SOX5: variants seen among roughly 807,000 people sequenced by gnomAD.
The protein encoded by SOX5 is SRY-box transcription factor 5.
A neutral mutation model predicts 92.0 loss-of-function variants in SOX5; 9 were observed. The observed-to-expected ratio is 0.10, with a 90% CI of 0.06 to 0.17. The LOEUF (loss-of-function observed/expected upper bound fraction) is 0.17. SOX5 is among the 10% of genes least tolerant of loss of function. The pLI, the probability that SOX5 is intolerant of heterozygous loss-of-function variation, is 1.00. For synonymous variants in SOX5, 344 were observed against 336.3 expected (o/e 1.02, Z -0.25); for missense variants, 642 against 944.5 (o/e 0.68, Z 4.20).
intron 3 of SOX5, among the ~76,000 whole-genome samples, chr12:23,817,471 G>A (rs1050121543): frequency 6.6e-6 from 1 of 152,156 alleles, no homozygotes; most frequent in African/African-American, 2.4e-5. Flanking sequence ...TGGAAGTTGT[G>A]AATAAGCAGA....
intron 8 of SOX5, among the ~76,000 whole-genome samples, chr12:23,625,302 C>T (rs1385529531): frequency 6.6e-6 from 1 of 152,162 alleles, no homozygotes; most frequent in Non-Finnish European, 1.5e-5. Context: ...GAAAACATCT[C>T]ATTCTAATGG....
At chr12:24,353,422 C>T (rs767422929) in intron 2 of SOX5, among the ~76,000 whole-genome samples, 1 of 152,184 alleles carries the variant, frequency 6.6e-6, no homozygotes, top group Non-Finnish European at 1.5e-5. Flanking sequence ...CCTAGAGCAA[C>T]AGCTCTCACA....
chr12:24,192,308 G>C (rs1956602233), intron 4 of SOX5, among the ~76,000 whole-genome samples: 1 of 152,130 alleles, frequency 6.6e-6, no homozygotes, highest in Non-Finnish European at 1.5e-5. Context: ...AAATTATTTT[G>C]AATTTCATTT....
chr12:23,747,673 G>A (rs995008355), intron 4 of SOX5, among the ~76,000 whole-genome samples: 1 of 152,034 alleles, frequency 6.6e-6, no homozygotes, highest in Non-Finnish European at 1.5e-5. Context: ...TGACATTTAG[G>A]CCAGACAATT....
rs148305521 is a variant in SOX5, at chr12:23,537,455, A to G, written c.1772-786T>C. On this transcript the variant is annotated intron_variant, in intron 13 of 14. Coordinates refer to ENST00000451604, the MANE Select transcript of SOX5 (RefSeq NM_006940.6). ...TATAACTTAAATTGTGCTATAATGT[A>G]TGCCCTTTCCTACATATGGCCACCT... Among the ~76,000 whole-genome samples the G allele has an allele frequency of 1.1e-4, 17 of 152,318 alleles. No homozygotes were observed. The East Asian group carries it at 3.1e-3, about 28-fold the overall frequency.
intron 1 of SOX5, among the ~76,000 whole-genome samples, chr12:24,523,117 C>A (rs1950397716): frequency 6.6e-6 from 1 of 151,792 alleles, no homozygotes; most frequent in African/African-American, 2.4e-5. Context: ...TATACACCAA[C>A]AATAAACTGA....
chr12:23,722,413 G>A (rs1593666448), intron 6 of SOX5, among the ~76,000 whole-genome samples: 1 of 152,162 alleles, frequency 6.6e-6, no homozygotes, highest in Non-Finnish European at 1.5e-5. Context: ...CTATGTTAGT[G>A]GATGACATTC....
At chr12:23,879,415 A>G (rs1328050663) in intron 2 of SOX5, among the ~76,000 whole-genome samples, 1 of 152,214 alleles carries the variant, frequency 6.6e-6, no homozygotes, top group African/African-American at 2.4e-5. Context: ...TTAGTTCCCA[A>G]ATAATACATA....
In SOX5 at chr12:24,450,189, G is replaced by A. The variant is rs540705789; in HGVS notation, c.-250-81550C>T. The stretch of plus-strand genomic sequence containing the variant: ...AATTCACCTTAGCTTGGGAAACACT[G>A]CAAAATATACCTACTTTTAGGGATT... On this transcript the variant is annotated intron_variant, in intron 1 of 4. Coordinates refer to the SOX5 transcript ENST00000446891. 5.9e-5 allele frequency among the ~76,000 whole-genome samples: 9 copies of A among 152,234 alleles called. No individual in the cohort carries two copies. The South Asian group carries it at 1.7e-3, about 28-fold the overall frequency.
intron 4 of SOX5, among the ~76,000 whole-genome samples, chr12:24,040,326 T>C (rs1263207522): frequency 6.6e-6 from 1 of 152,190 alleles, no homozygotes; most frequent in Non-Finnish European, 1.5e-5. Context: ...AACTATTAAA[T>C]GGTTTGTGAT....
intron 1 of SOX5, among the ~76,000 whole-genome samples, chr12:23,897,957 A>G (rs1223671433): frequency 6.6e-6 from 1 of 152,178 alleles, no homozygotes; most frequent in East Asian, 1.9e-4. Flanking sequence ...TACTCTAAGT[A>G]TGGAGAAGCA....
chr12:24,371,436 T>A (rs999416415), intron 1 of SOX5, among the ~76,000 whole-genome samples: 1 of 152,230 alleles, frequency 6.6e-6, no homozygotes, highest in South Asian at 2.1e-4. Context: ...CTGTGTTGGA[T>A]TTCTGACCTT....
chr12:23,642,254 T>C (rs2080176587), intron 7 of SOX5, among the ~76,000 whole-genome samples: 1 of 152,190 alleles, frequency 6.6e-6, no homozygotes, highest in Non-Finnish European at 1.5e-5. Context: ...GGCTTCAAAA[T>C]ACCTGGATCT....
chr12:24,266,382 C>A (rs1279405942), intron 3 of SOX5, among the ~76,000 whole-genome samples: 1 of 152,060 alleles, frequency 6.6e-6, no homozygotes, highest in African/African-American at 2.4e-5. Context: ...TAAGCATCAA[C>A]ATTAACAGAC....
At chr12:24,348,044 C>T (rs1318860654) in intron 2 of SOX5, among the ~76,000 whole-genome samples, 1 of 64,834 alleles carries the variant, frequency 1.5e-5, no homozygotes, top group East Asian at 4.6e-4. Context: ...GATAATACAG[C>T]TAATCAAAAA....
chr12:24,266,152 G>A (rs899046082), intron 3 of SOX5, among the ~76,000 whole-genome samples: 9 of 151,606 alleles, frequency 5.9e-5, no homozygotes, highest in African/African-American at 2.2e-4. Context: ...GGACTCAAGT[G>A]ATCCAGCTGC....
chr12:24,142,950 T>G (rs149358517), intron 4 of SOX5, among the ~76,000 whole-genome samples: 1 of 151,624 alleles, frequency 6.6e-6, no homozygotes, highest in Non-Finnish European at 1.5e-5. Flanking sequence ...GCAAGGAAAC[T>G]GCCCAAGGCA....
chr12:24,031,876 G>T lies in SOX5; in HGVS notation c.-1-135852C>A, dbSNP rs528775669. 4.6e-5 allele frequency among the ~76,000 whole-genome samples: 7 copies of T among 151,834 alleles called. No homozygotes were observed. In the East Asian group the frequency reaches 1.2e-3, roughly 25 times the overall value. ...GTTCTATGGTCCCAAATGCAATTTT[G>T]TAATTTTATCCATAAGAGAATGGAA... On this transcript the variant is annotated intron_variant, in intron 4 of 4. Transcript: ENST00000446891.
At chr12:24,454,522 G>T (rs996107895) in intron 1 of SOX5, among the ~76,000 whole-genome samples, 3 of 152,064 alleles carry the variant, frequency 2.0e-5, no homozygotes, top group African/African-American at 7.2e-5. Context: ...AAATAGCTTT[G>T]CATTCTATAG....
Sources: allele counts gnomAD v4.1 joint callset (sites outside exome capture counted in the v4.1 genomes callset), GRCh38; gene constraint gnomAD v4.1.1; transcripts MANE v1.5; gene names NCBI Gene and HGNC (gene_info 2026-07-23, HGNC 2026-07-21).